The following ADGRL3 variants were observed in gnomAD, a reference collection of about 807,000 sequenced individuals.
ADGRL3 encodes the protein adhesion G protein-coupled receptor L3.
ADGRL3 carries 62 observed loss-of-function variants against 153.5 expected under a neutral mutation model. The observed-to-expected ratio is 0.40, with a 90% CI of 0.33 to 0.50. The LOEUF is 0.50. Ranked by LOEUF, ADGRL3 falls within the 20% of genes least tolerant of loss-of-function variation. The pLI, the probability that ADGRL3 is intolerant of heterozygous loss-of-function variation, is 0.47. For synonymous variants in ADGRL3, 710 were observed against 672.5 expected, an observed-to-expected ratio of 1.06 and a Z score of -0.86; for missense variants, 1,641 against 1,859.4, an observed-to-expected ratio of 0.88 and a Z score of 2.16.
In ADGRL3 at chr4:61,238,174, C is replaced by A. The variant is rs543951483; in HGVS notation, c.-240+36409C>A. ...CATTTGTTCTTATAGTACAAGAGCA[C>A]AAACTAAGTACTGCAGCAAATAGAA... On this transcript the variant is annotated intron_variant, in intron 1 of 26. Transcript: ENST00000683033. Among the ~76,000 whole-genome samples, 37 of 152,276 alleles carry A rather than the reference C, an allele frequency of 2.4e-4. No individual in the cohort carries two copies. The South Asian group carries it at 7.5e-3, about 31-fold the overall frequency.
chr4:61,757,534 C>A (rs1000471679), intron 8 of ADGRL3, among the ~76,000 whole-genome samples: 1 of 152,028 alleles, frequency 6.6e-6, no homozygotes, highest in African/African-American at 2.4e-5. Context: ...GTCTTGCTAG[C>A]AGTCTATCAA....
chr4:61,636,963 T>C (rs965684288), intron 5 of ADGRL3, among the ~76,000 whole-genome samples: 11 of 152,212 alleles, frequency 7.2e-5, no homozygotes, highest in Non-Finnish European at 1.5e-4. Flanking sequence ...ATTGAAGGTA[T>C]ACTATTATAA....
intron 1 of ADGRL3, among the ~76,000 whole-genome samples, chr4:61,206,446 T>A (rs967863693): frequency 6.6e-6 from 1 of 152,234 alleles, no homozygotes; most frequent in Non-Finnish European, 1.5e-5. Context: ...CCTGGGGATC[T>A]CTGACACCCT....
chr4:61,821,921 A>G (rs1006661246), intron 9 of ADGRL3, among the ~76,000 whole-genome samples: 6 of 152,214 alleles, frequency 3.9e-5, no homozygotes, highest in Admixed American at 2.0e-4. Flanking sequence ...TACTATTACA[A>G]ATTGGAAACA....
chr4:61,776,435 A>T (rs1316614633), intron 8 of ADGRL3, among the ~76,000 whole-genome samples: 1 of 152,220 alleles, frequency 6.6e-6, no homozygotes. Flanking sequence ...CAGAATTCAC[A>T]TAAGAAATTG....
At chr4:61,818,655 A>G (rs1210330452) in intron 9 of ADGRL3, among the ~76,000 whole-genome samples, 1 of 152,220 alleles carries the variant, frequency 6.6e-6, no homozygotes, top group African/African-American at 2.4e-5. Context: ...AACCATATCA[A>G]CCAAAGTCCA....
rs1745200394 is a variant in ADGRL3, at chr4:62,070,330, T to A, written c.4054T>A (p.Ser1352Thr). 1 of 1,553,012 alleles carries A rather than the reference T, an allele frequency of 6.4e-7. No individual in the cohort carries two copies. Among genetic ancestry groups the A allele is most frequent in the Non-Finnish European group, 8.7e-7 (1 of 1,147,612 alleles). Residue 1352 changes from serine to threonine, a missense_variant, in exon 27 of 27, where the codon TCC (serine) becomes ACC (threonine). Ser to Thr is a moderately conservative substitution (Grantham distance 58, BLOSUM62 1). This residue lies in a region of ADGRL3 where 517 missense variants were observed against 555.0 expected (regional missense o/e 0.93). Transcript: ENST00000683033. The stretch of plus-strand genomic sequence containing the variant: ...TTCTTACCTGAACAACCATGAGCGC[T>A]CCAGTGAACAGAACAGGAATCTGAT... ...IPSYLNNHERSSEQNRNLMNK... is the reference protein window; with the variant it reads ...IPSYLNNHERTSEQNRNLMNK...
intron 17 of ADGRL3, among the ~76,000 whole-genome samples, chr4:61,972,766 A>G (rs997224664): frequency 3.9e-5 from 6 of 152,124 alleles, no homozygotes; most frequent in South Asian, 2.1e-4. Flanking sequence ...CCATTTTCAC[A>G]ATATTGATTC....
chr4:61,395,895 G>T (rs567761417), intron 2 of ADGRL3, among the ~76,000 whole-genome samples: 13 of 151,954 alleles, frequency 8.6e-5, no homozygotes, highest in Middle Eastern at 3.4e-3. Context: ...AAGGAGGAAC[G>T]CACAGATTTG....
intron 2 of ADGRL3, among the ~76,000 whole-genome samples, chr4:61,479,614 C>T (rs74523641): frequency 0.015 from 2,278 of 152,076 alleles, 51 homozygotes; most frequent in African/African-American, 0.052. Flanking sequence ...CAGAGCCCAG[C>T]GCTGAAGAAA....
intron 4 of ADGRL3, among the ~76,000 whole-genome samples, chr4:61,574,395 G>A (rs999893658): frequency 8.6e-5 from 13 of 151,918 alleles, no homozygotes; most frequent in Non-Finnish European, 1.9e-4. Flanking sequence ...TAATTAAGTA[G>A]AAATGTTAAT....
intron 13 of ADGRL3, among the ~76,000 whole-genome samples, chr4:61,924,455 A>G (rs2098785575): frequency 2.6e-5 from 4 of 152,026 alleles, no homozygotes; most frequent in Admixed American, 2.0e-4. Flanking sequence ...ATTCTCCTGA[A>G]CTCCAGAATT....
chr4:61,383,836 G>T (rs1578560336), intron 2 of ADGRL3, among the ~76,000 whole-genome samples: 1 of 151,756 alleles, frequency 6.6e-6, no homozygotes, highest in East Asian at 1.9e-4. Flanking sequence ...AATCATAGAA[G>T]GCAAAACAGG....
chr4:61,466,170 C>T (rs1331605826), intron 2 of ADGRL3, among the ~76,000 whole-genome samples: 1 of 151,966 alleles, frequency 6.6e-6, no homozygotes, highest in Non-Finnish European at 1.5e-5. Context: ...ATCCAACTCA[C>T]TTTTAATGTG....
chr4:61,356,709 C>A (rs1431479113), intron 1 of ADGRL3, among the ~76,000 whole-genome samples: 1 of 151,926 alleles, frequency 6.6e-6, no homozygotes, highest in Non-Finnish European at 1.5e-5. Flanking sequence ...TAAAAATTTT[C>A]CTTGCAGTTA....
intron 9 of ADGRL3, among the ~76,000 whole-genome samples, chr4:61,829,807 G>T (rs2097849698): frequency 6.6e-6 from 1 of 152,098 alleles, no homozygotes; most frequent in Non-Finnish European, 1.5e-5. Flanking sequence ...AGAAGCTTAG[G>T]TTTTTGAGAG....
chr4:61,876,805 G>C (rs1017536675), intron 9 of ADGRL3, among the ~76,000 whole-genome samples: 1 of 149,766 alleles, frequency 6.7e-6, no homozygotes, highest in East Asian at 2.0e-4. Flanking sequence ...ATATCATCAA[G>C]AAATAACCAT....
chr4:61,707,436 G>C (rs886315149), intron 6 of ADGRL3, among the ~76,000 whole-genome samples: 8 of 152,050 alleles, frequency 5.3e-5, no homozygotes, highest in African/African-American at 1.7e-4. Context: ...ATATGCCTGT[G>C]CTAATACTCT....
At chr4:61,927,901 A>C (rs908983993) in intron 13 of ADGRL3, among the ~76,000 whole-genome samples, 1 of 150,910 alleles carries the variant, frequency 6.6e-6, no homozygotes, top group Non-Finnish European at 1.5e-5. Flanking sequence ...TCATCTGTCT[A>C]TCTATCTATC....
Sources: allele counts gnomAD v4.1 joint callset (sites outside exome capture counted in the v4.1 genomes callset), GRCh38; gene constraint gnomAD v4.1.1; regional missense constraint gnomAD v4.1.1; transcripts MANE v1.5; gene names NCBI Gene and HGNC (gene_info 2026-07-23, HGNC 2026-07-21).